Variants in HERC2 observed in about 807,000 individuals in gnomAD.
The protein encoded by HERC2 is HECT and RLD domain containing E3 ubiquitin protein ligase 2.
HERC2 carries 102 observed loss-of-function variants against 537.7 expected under a neutral mutation model. That is an observed-to-expected ratio of 0.19 (90% CI 0.16 to 0.22). HERC2 has a LOEUF of 0.22. Among genes scored for constraint, HERC2 ranks in the 10% least tolerant of loss-of-function variants. HERC2 has a pLI of 1.00. For missense variants in HERC2, 4,236 were observed against 6,198.2 expected (o/e 0.68, Z 10.63); for synonymous variants, 2,224 against 2,466.2 (o/e 0.90, Z 2.91).
chr15:28,181,052 G>A (rs951397436), intron 57 of HERC2, among the ~76,000 whole-genome samples: 1 of 152,140 alleles, frequency 6.6e-6, no homozygotes, highest in Non-Finnish European at 1.5e-5. Context: ...CTTATTTCAA[G>A]TCATGTCCTG....
chr15:28,316,837 C>T (rs1182648851), intron 2 of HERC2, among the ~76,000 whole-genome samples: 3 of 152,132 alleles, frequency 2.0e-5, no homozygotes, highest in African/African-American at 7.2e-5. Flanking sequence ...AGTGCAGTGG[C>T]GCGATCTCGG....
chr15:28,217,827 G>A (rs1231503749), intron 38 of HERC2, among the ~76,000 whole-genome samples: 1 of 151,972 alleles, frequency 6.6e-6, no homozygotes, highest in Non-Finnish European at 1.5e-5. Flanking sequence ...GGCACAATGC[G>A]TCCCAACACC....
intron 64 of HERC2, among the ~76,000 whole-genome samples, chr15:28,175,092 C>T (rs1043976176): frequency 6.6e-6 from 1 of 151,728 alleles, no homozygotes; most frequent in Non-Finnish European, 1.5e-5. Context: ...TATCCATAAG[C>T]CAGTCATAGC....
chr15:28,152,885 C>G, intron 69 of HERC2, 55 bp from the exon 70 acceptor site: 4 of 1,520,604 alleles, frequency 2.6e-6, no homozygotes, highest in Non-Finnish European at 3.6e-6. Flanking sequence ...CACCTGGTCA[C>G]CTGCATGCCA....
At chr15:28,291,646 A>G (rs1333002511) in intron 4 of HERC2, among the ~76,000 whole-genome samples, 3 of 152,116 alleles carry the variant, frequency 2.0e-5, no homozygotes, top group Non-Finnish European at 4.4e-5. Flanking sequence ...GTAAGCAAAG[A>G]ATAAATGTAT....
rs112658698 is a variant in HERC2, at chr15:28,176,329, C to T, written c.9686+99G>A. Reference sequence around the variant, plus strand: ...GATGCATGCATAAGTAAAAAGAGGACACGTCACAATCACGCCGGGTGAGCC... The same window carrying T: ...GATGCATGCATAAGTAAAAAGAGGATACGTCACAATCACGCCGGGTGAGCC... On this transcript the variant is annotated intron_variant, in intron 63 of 92. Transcript: ENST00000261609. The surrounding 1 kb of genome is among the most constrained non-coding windows in gnomAD (Gnocchi z 5.0). The T allele has an allele frequency of 2.1e-5, 22 of 1,034,288 alleles. No individual in the cohort carries two copies. In the African/African-American group the frequency reaches 2.7e-4, roughly 13 times the overall value. 64.1% of individuals were successfully genotyped at this position (1,034,288 alleles called of 1,614,324 possible). A position where few individuals can be genotyped will look rare whatever the true frequency, so the allele number is the denominator to read the frequency against.
intron 16 of HERC2, among the ~76,000 whole-genome samples, chr15:28,259,373 G>T (rs2140917934): frequency 6.6e-6 from 1 of 152,246 alleles, no homozygotes; most frequent in East Asian, 1.9e-4. Flanking sequence ...GGGATTACAG[G>T]CGTGAGCCAC....
chr15:28,144,614 C>T (rs1469582588), intron 72 of HERC2, 59 bp downstream of exon 72: 3 of 1,611,330 alleles, frequency 1.9e-6, no homozygotes, highest in Non-Finnish European at 2.5e-6. Flanking sequence ...GTCCCTGTTG[C>T]TCCAGAAACA....
Position 28,218,410 on chromosome 15 carries a change from C to G in HERC2, c.6028+79G>C, listed in dbSNP as rs1311447157. 14 of 1,247,260 alleles carry G rather than the reference C, an allele frequency of 1.1e-5. 1 individual carries two copies. In the African/African-American group the frequency reaches 1.5e-4, roughly 14 times the overall value. The allele number at this position is 1,247,260 out of a possible 1,614,324, so 77.3% of individuals were successfully genotyped here. A position where few individuals can be genotyped will look rare whatever the true frequency, so the allele number is the denominator to read the frequency against. ...GGAAAGGAATCCACACACATCCACACCCACCCACATGAACACCCAGACACA... is the reference window on the plus strand; with the variant it reads ...GGAAAGGAATCCACACACATCCACAGCCACCCACATGAACACCCAGACACA... On this transcript the variant is annotated intron_variant, in intron 38 of 92. Coordinates refer to ENST00000261609, the MANE Select transcript of HERC2 (RefSeq NM_004667.6).
intron 11 of HERC2, 147 bp downstream of exon 11, chr15:28,269,101 G>A (rs2140976047): frequency 3.2e-6 from 2 of 624,794 alleles, no homozygotes; most frequent in Non-Finnish European, 5.4e-6. Context: ...TATTACAACT[G>A]AGATCATTAA....
chr15:28,305,126 T>C (rs1220664683), intron 2 of HERC2, among the ~76,000 whole-genome samples: 31 of 143,416 alleles, frequency 2.2e-4, no homozygotes, highest in Admixed American at 6.4e-4. Context: ...TGTTGGACAT[T>C]TGGGTTGGTT....
At chr15:28,132,371 CT>C (rs1470539760) in intron 80 of HERC2, 110 bp from the exon 81 acceptor site, 1 of 1,068,498 alleles carries the variant, frequency 9.4e-7, no homozygotes, top group Non-Finnish European at 1.3e-6. Context: ...TGTTTTAAGC[CT>C]TTACAAAGAG....
At chr15:28,210,697 C>A (rs1241935966) in intron 44 of HERC2, among the ~76,000 whole-genome samples, 6 of 151,978 alleles carry the variant, frequency 3.9e-5, no homozygotes, top group Non-Finnish European at 8.8e-5. Context: ...TGGGGTGCGG[C>A]CTGGGAGTCT....
chr15:28,282,654 C>T (rs2076049480), intron 4 of HERC2, among the ~76,000 whole-genome samples: 1 of 152,202 alleles, frequency 6.6e-6, no homozygotes, highest in Non-Finnish European at 1.5e-5. Context: ...GCCCCCAAGG[C>T]AGGGCACGGT....
rs928279233 is a variant in HERC2 at position 28,289,637 on chromosome 15, G to A, written c.322+3251C>T. Among the ~76,000 whole-genome samples, 7 of 152,360 alleles carry A rather than the reference G, an allele frequency of 4.6e-5. No homozygotes were observed. In the South Asian group the frequency reaches 1.2e-3, roughly 27 times the overall value. On this transcript the variant is annotated intron_variant, in intron 4 of 92. Transcript: ENST00000261609. ...TAAATAAATGACTGGTATTCGCTAAGAGAAGTGTCCTTATCTATGAAATGT... is the reference window on the plus strand; with the variant it reads ...TAAATAAATGACTGGTATTCGCTAAAAGAAGTGTCCTTATCTATGAAATGT...
At position 28,268,505 on chromosome 15, in the gene HERC2, C is replaced by T. The variant is rs2075631925; in HGVS notation, c.1558G>A (p.Gly520Ser). Residue 520 changes from glycine to serine, a missense_variant, in exon 12 of 93, where the codon GGC becomes AGC. Gly to Ser is a moderately conservative substitution (Grantham distance 56). Around this residue, in one of 27 missense-constraint regions of HERC2, gnomAD observed 754 missense variants for 1,085.0 expected, o/e 0.69. Coordinates refer to ENST00000261609, the MANE Select transcript of HERC2 (RefSeq NM_004667.6). This position sits in a 1 kb window ranked among gnomAD's most constrained non-coding sequence, Gnocchi z 4.7. ...LAATGEVYSW[G>S]CGDGGRLGHG... Reference sequence around the variant, plus strand: ...CCCAGCCGTCCGCCGTCCCCACAGCCCCAGGAGTACACCTCTCCAGTAGCA... The same window carrying T: ...CCCAGCCGTCCGCCGTCCCCACAGCTCCAGGAGTACACCTCTCCAGTAGCA... The T allele has an allele frequency of 6.2e-7, 1 of 1,614,016 alleles. No individual in the cohort carries two copies. The highest frequency in any genetic ancestry group is 1.3e-5 in the African/African-American group (1 of 74,926).
chr15:28,132,740 T>C lies in HERC2; in HGVS notation c.12321A>G (p.Thr4107=). 2.5e-6 allele frequency: 4 copies of C among 1,608,650 alleles called. No individual in the cohort carries two copies. The highest frequency in any genetic ancestry group is 3.4e-6 in the Non-Finnish European group (4 of 1,177,772). The change falls in exon 80 of 93, where the codon ACA becomes ACG. Residue 4107 remains threonine, a synonymous_variant. Coordinates refer to ENST00000261609, the MANE Select transcript of HERC2 (RefSeq NM_004667.6). Reference sequence around the variant, plus strand: ...CCCATGTGTAGAGGTCCCCGGCTGCTGTGACACAGGCGCTGTGGGCTCCGC... The same window carrying C: ...CCCATGTGTAGAGGTCCCCGGCTGCCGTGACACAGGCGCTGTGGGCTCCGC... ...AAGGAHSACV[T]AAGDLYTWGK...
chr15:28,119,280 A>G (rs1488103702), intron 86 of HERC2, among the ~76,000 whole-genome samples: 1 of 151,854 alleles, frequency 6.6e-6, no homozygotes, highest in Non-Finnish European at 1.5e-5. Flanking sequence ...CACGTCTGTA[A>G]TCTCAGCTAC....
Position 28,248,656 on chromosome 15 carries a change from C to T in HERC2, c.3131G>A (p.Ser1044Asn). 1 of 1,613,998 alleles carries T rather than the reference C, an allele frequency of 6.2e-7. No homozygotes were observed. Among genetic ancestry groups the T allele is most frequent in the Non-Finnish European group, 8.5e-7 (1 of 1,179,844 alleles). The change falls in exon 21 of 93, where the codon AGT becomes AAT. Residue 1044 changes from serine to asparagine, a missense_variant. Around this residue, in one of 27 missense-constraint regions of HERC2, gnomAD observed 754 missense variants for 1,085.0 expected, o/e 0.69. Transcript: ENST00000261609. ...ISSCLDFEQHSRERSASLDLL... is the reference protein window; with the variant it reads ...ISSCLDFEQHNRERSASLDLL... ...ATCCAATGAAGCAGATCTTTCACGA[C>T]TGTGTTGCTCAAAGTCCAGACATGA...
Sources: allele counts gnomAD v4.1 joint callset (sites outside exome capture counted in the v4.1 genomes callset), GRCh38; gene constraint gnomAD v4.1.1; regional missense constraint gnomAD v4.1.1; non-coding constraint Gnocchi (gnomAD v3.1); transcripts MANE v1.5; gene names NCBI Gene and HGNC (gene_info 2026-07-23, HGNC 2026-07-21).